Variants in PCOLCE2 observed in about 807,000 individuals in gnomAD.
The protein encoded by PCOLCE2 is procollagen C-proteinase enhancer 2.
PCOLCE2 carries 42 observed loss-of-function variants against 47.0 expected under a neutral mutation model. That is an observed-to-expected ratio of 0.89 (90% confidence interval 0.70 to 1.16). The LOEUF is 1.16. PCOLCE2 is among the 50% of genes most tolerant of loss of function. The probability of loss-of-function intolerance (pLI) is 0.00; values close to 1 mark genes in which losing one functional copy is unlikely to be tolerated. For synonymous variants in PCOLCE2, 169 were observed against 191.7 expected (o/e 0.88, Z 0.98); for missense variants, 500 against 526.1 (o/e 0.95, Z 0.49).
At chr3:142,836,199 C>T (rs1322699532) in intron 5 of PCOLCE2, among the ~76,000 whole-genome samples, 1 of 152,190 alleles carries the variant, frequency 6.6e-6, no homozygotes, top group Non-Finnish European at 1.5e-5. Flanking sequence ...GGAGACTATC[C>T]GTTCCTTCAC....
chr3:142,846,347 A>G (rs1432757679), intron 3 of PCOLCE2, among the ~76,000 whole-genome samples: 1 of 152,074 alleles, frequency 6.6e-6, no homozygotes, highest in Non-Finnish European at 1.5e-5. Flanking sequence ...ACATGAGTGC[A>G]CCACCATGCC....
chr3:142,818,467 T>G lies in PCOLCE2; in HGVS notation c.1118-2A>C. 1.2e-6 allele frequency: 2 copies of G among 1,607,916 alleles called. No homozygotes were observed. The highest frequency in any genetic ancestry group is 1.7e-6 in the Non-Finnish European group (2 of 1,174,456). On this transcript the variant is annotated splice_acceptor_variant, in intron 8 of 8. Transcript: ENST00000295992. LOFTEE classifies it high-confidence loss of function. ...GGCCCATAATAATGTAATTTAGACC[T>G]AAAGAAAGAGAATACAGAAATTAAT...
At chr3:142,825,693 C>T (rs1033182064) in intron 6 of PCOLCE2, among the ~76,000 whole-genome samples, 6 of 152,180 alleles carry the variant, frequency 3.9e-5, no homozygotes, top group South Asian at 4.1e-4. Context: ...TTTTTCCCAA[C>T]CCGTCAGCCC....
At chr3:142,826,941 G>A (rs527331949) in intron 6 of PCOLCE2, among the ~76,000 whole-genome samples, 1 of 152,088 alleles carries the variant, frequency 6.6e-6, no homozygotes, top group African/African-American at 2.4e-5. Context: ...CAAAAAGACG[G>A]AAGTTTCTAG....
At chr3:142,870,642 A>C (rs1003417457) in intron 2 of PCOLCE2, among the ~76,000 whole-genome samples, 18 of 152,056 alleles carry the variant, frequency 1.2e-4, no homozygotes, top group African/African-American at 4.4e-4. Flanking sequence ...TTCCTGTGAT[A>C]CACCAGAGCA....
At chr3:142,849,839 C>T (rs1937370473) in intron 2 of PCOLCE2, among the ~76,000 whole-genome samples, 2 of 152,198 alleles carry the variant, frequency 1.3e-5, no homozygotes, top group Non-Finnish European at 2.9e-5. Flanking sequence ...TCAATAGATG[C>T]TTTGACATTA....
At chr3:142,828,465 A>C (rs961987351) in intron 6 of PCOLCE2, among the ~76,000 whole-genome samples, 3 of 152,184 alleles carry the variant, frequency 2.0e-5, no homozygotes, top group African/African-American at 7.2e-5. Context: ...GTAGACTATA[A>C]ATTTAATGGG....
intron 5 of PCOLCE2, among the ~76,000 whole-genome samples, chr3:142,830,718 T>G (rs1168201922): frequency 6.6e-6 from 1 of 152,208 alleles, no homozygotes; most frequent in Non-Finnish European, 1.5e-5. Flanking sequence ...ACAAGATAGT[T>G]TCATTTAAGT....
intron 2 of PCOLCE2, among the ~76,000 whole-genome samples, chr3:142,879,034 A>T (rs1168570435): frequency 6.6e-6 from 1 of 152,170 alleles, no homozygotes; most frequent in Non-Finnish European, 1.5e-5. Flanking sequence ...CACATCATAA[A>T]TTTAACTCTG....
chr3:142,848,554 T>A, intron 2 of PCOLCE2, 82 bp from the exon 3 acceptor site: 7 of 1,192,206 alleles, frequency 5.9e-6, no homozygotes, highest in Non-Finnish European at 7.2e-6. Flanking sequence ...CTTAAGTGTG[T>A]AAAGTATAAT....
intron 2 of PCOLCE2, among the ~76,000 whole-genome samples, chr3:142,854,991 C>T (rs891926555): frequency 6.6e-6 from 1 of 152,224 alleles, no homozygotes; most frequent in African/African-American, 2.4e-5. Context: ...TGTCATGCCA[C>T]TTTTCTGTTC....
At chr3:142,871,242 A>T (rs2108208055) in intron 2 of PCOLCE2, among the ~76,000 whole-genome samples, 1 of 152,290 alleles carries the variant, frequency 6.6e-6, no homozygotes, top group South Asian at 2.1e-4. Context: ...CATGGTTCCC[A>T]TGCTGGCCCA....
intron 1 of PCOLCE2, 86 bp from the exon 2 acceptor site, chr3:142,887,863 A>C (rs2108215118): frequency 1.4e-6 from 1 of 727,900 alleles, no homozygotes; most frequent in Non-Finnish European, 2.4e-6. Context: ...GTAGCCTATT[A>C]ATATAAATAA....
rs79117825 is a variant in PCOLCE2, at chr3:142,836,578, T to C, written c.710+2192A>G. ...TAATCTTTAGGAATGTTGTTTAGTGTTTATTCTATAAAGTTTTCAAGGATA... is the reference window on the plus strand; with the variant it reads ...TAATCTTTAGGAATGTTGTTTAGTGCTTATTCTATAAAGTTTTCAAGGATA... On this transcript the variant is annotated intron_variant, in intron 5 of 8. Coordinates refer to ENST00000295992, the MANE Select transcript of PCOLCE2 (RefSeq NM_013363.4). Among the ~76,000 whole-genome samples the C allele has an allele frequency of 5.6e-3, 852 of 152,338 alleles. 10 individuals are homozygous for C. Among genetic ancestry groups the C allele is most frequent in the African/African-American group, 0.02 (827 of 41,578 alleles).
intron 2 of PCOLCE2, among the ~76,000 whole-genome samples, chr3:142,857,220 G>A (rs1459150799): frequency 6.6e-6 from 1 of 152,256 alleles, no homozygotes. Context: ...AGGAGCAGCA[G>A]CAGCAAATGC....
At chr3:142,882,219 A>G (rs1933635816) in intron 2 of PCOLCE2, among the ~76,000 whole-genome samples, 1 of 151,694 alleles carries the variant, frequency 6.6e-6, no homozygotes, top group Non-Finnish European at 1.5e-5. Flanking sequence ...AAAATTGCAG[A>G]GACAGGGTCT....
Position 142,843,291 on chromosome 3 carries a change from C to T in PCOLCE2, c.449-243G>A, listed in dbSNP as rs569663432. ...AGAGAGGGGAGAAGTGGACTCAGGG[C>T]CTCTTTTCTTTTTTTTTCCTTAGAC... is the stretch of plus-strand genomic sequence containing the variant. On this transcript the variant is annotated intron_variant, in intron 3 of 8. Transcript: ENST00000295992. 1.2e-5 allele frequency: 7 copies of T among 573,996 alleles called. No homozygotes were observed. The African/African-American group carries it at 1.3e-4, about 11-fold the overall frequency. 35.6% of individuals were successfully genotyped at this position (573,996 alleles called of 1,614,324 possible).
In PCOLCE2 at chr3:142,848,344, A is replaced by G; in HGVS notation, c.321T>C (p.Cys107=). 3.7e-6 allele frequency: 6 copies of G among 1,614,230 alleles called. No homozygotes were observed. The highest frequency in any genetic ancestry group is 5.1e-6 in the Non-Finnish European group (6 of 1,180,038). Residue 107 remains cysteine, a synonymous_variant, in exon 3 of 9, where the codon TGT becomes TGC. Transcript: ENST00000295992. ...HANGQRIGRF[C]GTFRPGALVS... is the part of the protein sequence containing the mutation. The stretch of plus-strand genomic sequence containing the variant: ...CAAGGGCTCCAGGCCGGAAAGTGCC[A>G]CAGAAGCGGCCAATGCGCTGGCCAT...
At chr3:142,870,914 A>G (rs1933376831) in intron 2 of PCOLCE2, among the ~76,000 whole-genome samples, 1 of 152,182 alleles carries the variant, frequency 6.6e-6, no homozygotes, top group East Asian at 1.9e-4. Context: ...TGGTCCAAGA[A>G]GCAAACTGTT....
Sources: gnomAD v4.1 joint callset for allele counts (sites outside exome capture counted in the v4.1 genomes callset) on GRCh38, gnomAD v4.1.1 for gene constraint, MANE v1.5 for transcripts, NCBI Gene and HGNC (gene_info 2026-07-23, HGNC 2026-07-21) for gene names.